The following PDE1C variants were observed in gnomAD, a reference collection of about 807,000 sequenced individuals.
PDE1C encodes phosphodiesterase 1C.
In PDE1C, 62 loss-of-function variants were observed where a neutral mutation model predicts 93.1. The observed-to-expected ratio is 0.67, with a 90% CI of 0.54 to 0.82. The LOEUF (loss-of-function observed/expected upper bound fraction) is 0.82, where lower values mean the gene tolerates loss of function less well. Among genes scored for constraint, PDE1C ranks in the 40% least tolerant of loss-of-function variants. The probability of loss-of-function intolerance (pLI) is 0.00; values close to 1 mark genes in which losing one functional copy is unlikely to be tolerated. For missense variants in PDE1C, 742 were observed against 884.6 expected (o/e 0.84, Z 2.04); for synonymous variants, 325 against 310.1 (o/e 1.05, Z -0.50).
intron 2 of PDE1C, among the ~76,000 whole-genome samples, chr7:31,995,845 C>G (rs1784649555): frequency 6.6e-6 from 1 of 152,056 alleles, no homozygotes; most frequent in Non-Finnish European, 1.5e-5. Context: ...AAAAAAATGC[C>G]TTTGTATTTG....
At chr7:31,850,820 G>T in intron 7 of PDE1C, 79 bp from the exon 8 acceptor site, 1 of 977,876 alleles carries the variant, frequency 1.0e-6, no homozygotes, top group Non-Finnish European at 1.7e-6. Context: ...CACCCACAGT[G>T]CTGCCTTTCT....
At chr7:32,005,734 A>G (rs1326456131) in intron 2 of PDE1C, among the ~76,000 whole-genome samples, 1 of 152,054 alleles carries the variant, frequency 6.6e-6, no homozygotes, top group Non-Finnish European at 1.5e-5. Context: ...GTGTTTGAAG[A>G]GTAGAACTAG....
chr7:32,269,141 C>T (rs1314102122), intron 1 of PDE1C, among the ~76,000 whole-genome samples: 2 of 152,186 alleles, frequency 1.3e-5, no homozygotes, highest in Admixed American at 6.5e-5. Flanking sequence ...AGTTAAAATA[C>T]AGGAAGCAAC....
intron 2 of PDE1C, among the ~76,000 whole-genome samples, chr7:31,969,703 T>C (rs1169473660): frequency 6.6e-6 from 1 of 152,232 alleles, no homozygotes; most frequent in African/African-American, 2.4e-5. Context: ...ATATGTTTAT[T>C]GCAGTGCTGT....
the PDE1C span, among the ~76,000 whole-genome samples, chr7:31,648,227 T>C: frequency 1.3e-5 from 2 of 152,186 alleles, no homozygotes; most frequent in African/African-American, 4.8e-5. Context: ...TTGGTGATGG[T>C]GCTCTTACCA....
chr7:32,353,725 C>A (rs1783976671), intron 1 of PDE1C, among the ~76,000 whole-genome samples: 1 of 151,914 alleles, frequency 6.6e-6, no homozygotes, highest in South Asian at 2.1e-4. Context: ...TTTTAAATTT[C>A]TTGCATGAGA....
intron 2 of PDE1C, among the ~76,000 whole-genome samples, chr7:32,204,003 A>G (rs929206844): frequency 3.9e-5 from 6 of 152,176 alleles, no homozygotes; most frequent in Non-Finnish European, 5.9e-5. Context: ...GTGTATCCAA[A>G]TTGCCAGCAT....
intron 1 of PDE1C, among the ~76,000 whole-genome samples, chr7:32,265,724 G>C (rs1418143969): frequency 1.3e-5 from 2 of 152,206 alleles, no homozygotes; most frequent in African/African-American, 2.4e-5. Context: ...GACCAACAGA[G>C]ACATATACGT....
chr7:32,339,388 T>C (rs957256008), intron 1 of PDE1C, among the ~76,000 whole-genome samples: 1 of 152,134 alleles, frequency 6.6e-6, no homozygotes, highest in African/African-American at 2.4e-5. Flanking sequence ...TTAATGGGTA[T>C]AGAGTTTTGG....
At chr7:31,974,093 G>T (rs1351514794) in intron 2 of PDE1C, among the ~76,000 whole-genome samples, 2 of 151,988 alleles carry the variant, frequency 1.3e-5, no homozygotes, top group Non-Finnish European at 2.9e-5. Context: ...GTTTTTTTCT[G>T]CCAGAATCAT....
chr7:31,847,102 A>G (rs964716308), intron 9 of PDE1C, among the ~76,000 whole-genome samples: 1 of 152,134 alleles, frequency 6.6e-6, no homozygotes, highest in Non-Finnish European at 1.5e-5. Flanking sequence ...CAGGGTTTGA[A>G]GTACCTTAAC....
intron 1 of PDE1C, among the ~76,000 whole-genome samples, chr7:32,337,631 C>G (rs1484565494): frequency 1.3e-5 from 2 of 151,782 alleles, no homozygotes; most frequent in Non-Finnish European, 2.9e-5. Context: ...TAGAGTCCAG[C>G]ATCAGGGACG....
At chr7:32,337,263 C>T (rs1014449644) in intron 1 of PDE1C, among the ~76,000 whole-genome samples, 7 of 152,022 alleles carry the variant, frequency 4.6e-5, no homozygotes, top group Non-Finnish European at 1.0e-4. Context: ...GTTGAGCCCT[C>T]GGAAGTCAAT....
chr7:32,045,559 C>T (rs116070176), intron 2 of PDE1C, among the ~76,000 whole-genome samples: 2,886 of 152,258 alleles, frequency 0.019, 102 homozygotes, highest in African/African-American at 0.065. Context: ...CAGTAGAATG[C>T]AGGATTGGTT....
chr7:31,868,541 G>T (rs528898311), intron 6 of PDE1C, among the ~76,000 whole-genome samples: 3 of 152,058 alleles, frequency 2.0e-5, no homozygotes, highest in Admixed American at 1.3e-4. Flanking sequence ...CCTATGTGGC[G>T]AATGGACCAC....
At chr7:32,353,695 G>T (rs1783976213) in intron 1 of PDE1C, among the ~76,000 whole-genome samples, 1 of 151,948 alleles carries the variant, frequency 6.6e-6, no homozygotes, top group Non-Finnish European at 1.5e-5. Flanking sequence ...ATTTATTTGA[G>T]TGTATTGTCT....
At chr7:32,097,494 T>C (rs775735274) in intron 3 of PDE1C, among the ~76,000 whole-genome samples, 3 of 152,104 alleles carry the variant, frequency 2.0e-5, no homozygotes, top group Non-Finnish European at 4.4e-5. Context: ...CTTCAGCAAT[T>C]TTGTCTGCTG....
the PDE1C span, among the ~76,000 whole-genome samples, chr7:31,745,797 T>C: frequency 6.6e-6 from 1 of 152,334 alleles, no homozygotes; most frequent in African/African-American, 2.4e-5. Context: ...CTTTGAAAGT[T>C]AGTATATTCC....
In PDE1C at chr7:31,920,770, G is replaced by A. The variant is rs190444812; in HGVS notation, c.129-39910C>T. ...TTGATTAGCTCTTATTGAGCCCAACGTGAGGAAAACAGCATGGCCTCTCCA... is the reference window on the plus strand; with the variant it reads ...TTGATTAGCTCTTATTGAGCCCAACATGAGGAAAACAGCATGGCCTCTCCA... On this transcript the variant is annotated intron_variant, in intron 2 of 17. Coordinates refer to ENST00000396191, the MANE Select transcript of PDE1C (RefSeq NM_001191057.4). 5.8e-4 allele frequency among the ~76,000 whole-genome samples: 89 copies of A among 152,180 alleles called. 1 individual carries two copies. The highest frequency in any genetic ancestry group is 2.0e-3 in the African/African-American group (85 of 41,506).
Sources: gnomAD v4.1 joint callset for allele counts (sites outside exome capture counted in the v4.1 genomes callset) on GRCh38, gnomAD v4.1.1 for gene constraint, MANE v1.5 for transcripts, NCBI Gene and HGNC (gene_info 2026-07-23, HGNC 2026-07-21) for gene names.